UBXN4: variants seen among roughly 807,000 people sequenced by gnomAD.
The protein encoded by UBXN4 is UBX domain-containing protein 4.
In UBXN4, 35 loss-of-function variants were observed where a neutral mutation model predicts 66.2. That is an observed-to-expected ratio of 0.53 (90% CI 0.40 to 0.70). The LOEUF (loss-of-function observed/expected upper bound fraction) is 0.70. Ranked by LOEUF, UBXN4 falls within the 30% of genes least tolerant of loss-of-function variation. The pLI is 0.00. For synonymous variants in UBXN4, 203 were observed against 204.5 expected, an observed-to-expected ratio of 0.99 and a Z score of 0.06; for missense variants, 533 against 599.8, an observed-to-expected ratio of 0.89 and a Z score of 1.16.
chr2:135,753,677 T>G (rs1002114195), intron 3 of UBXN4, 110 bp downstream of exon 3: 10 of 985,192 alleles, frequency 1.0e-5, no homozygotes, highest in Non-Finnish European at 1.4e-5. Flanking sequence ...TCATACATTC[T>G]TTTTTATGGA....
intron 1 of UBXN4, chr2:135,747,644 TTC>T (rs1361769604): frequency 4.4e-6 from 2 of 456,438 alleles, no homozygotes; most frequent in South Asian, 1.5e-5. Flanking sequence ...CTTTTTATTT[TTC>T]TCTCTCTCTA....
intron 4 of UBXN4, among the ~76,000 whole-genome samples, chr2:135,754,606 A>G (rs2077268379): frequency 6.6e-6 from 1 of 151,802 alleles, no homozygotes; most frequent in South Asian, 2.1e-4. Flanking sequence ...TACAGGTGTG[A>G]GCCACCGCAC....
chr2:135,778,045 C>T (rs375391309), intron 10 of UBXN4, among the ~76,000 whole-genome samples: 14 of 148,540 alleles, frequency 9.4e-5, no homozygotes, highest in Admixed American at 6.0e-4. Context: ...GGCGTGGTGG[C>T]GGGCGTCTGT....
intron 12 of UBXN4, among the ~76,000 whole-genome samples, chr2:135,781,668 A>G (rs1471715012): frequency 6.6e-6 from 1 of 152,236 alleles, no homozygotes; most frequent in Non-Finnish European, 1.5e-5. Context: ...TGTAGTGAGG[A>G]CAGAGGGAAG....
chr2:135,753,808 A>C, intron 3 of UBXN4: 2 of 455,634 alleles, frequency 4.4e-6, no homozygotes, highest in Non-Finnish European at 7.7e-6. Flanking sequence ...TTGCAGCTAA[A>C]GATAGGATAG....
intron 9 of UBXN4, among the ~76,000 whole-genome samples, chr2:135,774,586 T>C (rs544606671): frequency 1.3e-5 from 2 of 152,292 alleles, no homozygotes; most frequent in African/African-American, 4.8e-5. Context: ...AGCTCACACC[T>C]ATAATCCCAG....
At chr2:135,746,004 A>C (rs2077205681) in intron 1 of UBXN4, among the ~76,000 whole-genome samples, 2 of 149,874 alleles carry the variant, frequency 1.3e-5, no homozygotes, top group South Asian at 4.2e-4. Context: ...CAGCCTCCTG[A>C]GTAGCTGGGA....
In UBXN4 at chr2:135,754,004, C is replaced by T. The variant is rs1449704058; in HGVS notation, c.215-155C>T. The T allele has an allele frequency of 3.7e-5, 22 of 595,802 alleles. No homozygotes were observed. In the East Asian group the frequency reaches 4.4e-4, roughly 12 times the overall value. 36.9% of individuals were successfully genotyped at this position (595,802 alleles called of 1,614,324 possible). ...TAACATGTCACATGTATTAATACTA[C>T]AGGTATAATGATGCAGTACTTGAAA... On this transcript the variant is annotated intron_variant, in intron 3 of 12. Transcript: ENST00000272638.
chr2:135,761,318 G>T (rs547490327), intron 5 of UBXN4, among the ~76,000 whole-genome samples: 1 of 152,226 alleles, frequency 6.6e-6, no homozygotes, highest in African/African-American at 2.4e-5. Flanking sequence ...CCTTGGACCA[G>T]TGTAAGTCCA....
At chr2:135,780,120 A>G in intron 11 of UBXN4, 63 bp from the exon 12 acceptor site, 1 of 1,525,936 alleles carries the variant, frequency 6.6e-7, no homozygotes, top group Non-Finnish European at 9.0e-7. Flanking sequence ...TTCATCTGGA[A>G]CCTTGGGCGT....
intron 6 of UBXN4, 72 bp from the exon 7 acceptor site, chr2:135,769,697 C>T: frequency 9.0e-7 from 1 of 1,116,158 alleles, no homozygotes; most frequent in African/African-American, 1.6e-5. Flanking sequence ...TTAGCTAAAT[C>T]CATCTCCTAA....
Position 135,756,504 on chromosome 2 carries a change from A to T in UBXN4, c.508+813A>T, listed in dbSNP as rs77020061. On this transcript the variant is annotated intron_variant, in intron 5 of 12. Coordinates refer to ENST00000272638, the MANE Select transcript of UBXN4 (RefSeq NM_014607.4). ...ATGCTGCCTTGTGGAGTTACACATG[A>T]CAGGTTTTGAATATTTGAAATACAG... Among the ~76,000 whole-genome samples the T allele has an allele frequency of 0.01, 1,586 of 152,296 alleles. 97 individuals are homozygous for T. The East Asian group carries it at 0.19, about 18-fold the overall frequency.
intron 12 of UBXN4, 51 bp from the exon 13 acceptor site, chr2:135,782,698 A>G (rs374276463): frequency 7.5e-6 from 12 of 1,591,758 alleles, no homozygotes; most frequent in Non-Finnish European, 8.5e-6. Context: ...TTGTATTACT[A>G]TTGTTTTTAT....
intron 6 of UBXN4, among the ~76,000 whole-genome samples, chr2:135,768,361 G>A (rs1000817933): frequency 6.6e-6 from 1 of 151,226 alleles, no homozygotes; most frequent in Non-Finnish European, 1.5e-5. Context: ...ACCACACCTG[G>A]CTAATTTTTG....
chr2:135,776,105 C>A, intron 9 of UBXN4, 144 bp from the exon 10 acceptor site: 1 of 612,474 alleles, frequency 1.6e-6, no homozygotes, highest in Non-Finnish European at 2.8e-6. Flanking sequence ...CTCAGTAAAG[C>A]AGTTATTAAC....
intron 6 of UBXN4, among the ~76,000 whole-genome samples, chr2:135,766,789 G>A (rs1344521358): frequency 6.6e-6 from 1 of 152,124 alleles, no homozygotes; most frequent in Non-Finnish European, 1.5e-5. Context: ...TAATATATAA[G>A]TTGTCTATGG....
intron 2 of UBXN4, 71 bp downstream of exon 2, chr2:135,748,440 C>G: frequency 8.7e-7 from 1 of 1,144,334 alleles, no homozygotes; most frequent in Non-Finnish European, 1.2e-6. Context: ...TAGTGATACT[C>G]TTGGACTAGA....
chr2:135,767,879 CT>C (rs1207187165), intron 6 of UBXN4, among the ~76,000 whole-genome samples: 1 of 151,872 alleles, frequency 6.6e-6, no homozygotes, highest in African/African-American at 2.4e-5. Flanking sequence ...GTCACAGATG[CT>C]TTTTTTTCTC....
intron 1 of UBXN4, among the ~76,000 whole-genome samples, chr2:135,745,268 C>A (rs1575312346): frequency 6.8e-6 from 1 of 147,832 alleles, no homozygotes; most frequent in East Asian, 2.1e-4. Context: ...ATCACATAGG[C>A]CTTTCCCTAC....
Sources: gnomAD v4.1 joint callset for allele counts (sites outside exome capture counted in the v4.1 genomes callset) on GRCh38, gnomAD v4.1.1 for gene constraint, MANE v1.5 for transcripts, NCBI Gene and HGNC (gene_info 2026-07-23, HGNC 2026-07-21) for gene names.